Variants in CASP6 observed in about 807,000 individuals in gnomAD.
CASP6 encodes caspase-6.
A neutral mutation model predicts 31.8 loss-of-function variants in CASP6; 20 were observed. The ratio of observed to expected loss-of-function variants is 0.63; its 90% CI spans 0.44 to 0.91. CASP6 has a LOEUF of 0.91. Among genes scored for constraint, CASP6 ranks in the 40% least tolerant of loss-of-function variants. The pLI is 0.00. For missense variants in CASP6, 328 were observed against 361.1 expected (o/e 0.91, Z 0.74); for synonymous variants, 130 against 127.8 (o/e 1.02, Z -0.12).
chr4:109,674,090 TG>T, the CASP6 span: 1 of 1,459,218 alleles, frequency 6.9e-7, no homozygotes, highest in Non-Finnish European at 9.6e-7. Context: ...GGCTATTCCA[TG>T]TATCGGGAAT....
At chr4:109,694,025 C>G (rs1465683132) in intron 5 of CASP6, among the ~76,000 whole-genome samples, 1 of 152,116 alleles carries the variant, frequency 6.6e-6, no homozygotes, top group Non-Finnish European at 1.5e-5. Context: ...TGAGCCATCA[C>G]GCCTGTAAAA....
At chr4:109,706,170 T>TATATAC (rs1452145399), upstream of CASP6, among the ~76,000 whole-genome samples, 51 of 89,012 alleles carry the variant, frequency 5.7e-4, no homozygotes, top group African/African-American at 2.2e-3. Context: ...TATATATATA[T>TATATAC]ACACACACAC....
At position 109,698,395 on chromosome 4, in the gene CASP6, T is replaced by TA. The variant is rs1177031774; in HGVS notation, c.41-54dup. 31 of 1,499,304 alleles carry TA rather than the reference T, an allele frequency of 2.1e-5. No homozygotes were observed. In the East Asian group the frequency reaches 7.0e-4, roughly 34 times the overall value. The allele number at this position is 1,499,304 out of a possible 1,614,324, so 92.9% of individuals were successfully genotyped here. ...TTATTTTTTACTTATGGCAGTAAAATATAGTAGGAACTCCCATCCCCCTTC... is the reference window on the plus strand; with the variant it reads ...TTATTTTTTACTTATGGCAGTAAAATAATAGTAGGAACTCCCATCCCCCTTC... On this transcript the variant is annotated intron_variant, in intron 1 of 6. Transcript: ENST00000265164.
intron 5 of CASP6, among the ~76,000 whole-genome samples, chr4:109,693,203 T>C (rs1436965339): frequency 6.6e-6 from 1 of 152,232 alleles, no homozygotes; most frequent in East Asian, 1.9e-4. Context: ...CAGAAGCAGA[T>C]GCCAGCACCA....
At chr4:109,676,631 A>G in the CASP6 span, among the ~76,000 whole-genome samples, 4 of 152,206 alleles carry the variant, frequency 2.6e-5, no homozygotes, top group African/African-American at 7.2e-5. Context: ...TATTTGTTAT[A>G]GCAGTAACTC....
intron 6 of CASP6, among the ~76,000 whole-genome samples, chr4:109,690,192 A>G (rs1446625242): frequency 6.7e-6 from 1 of 149,786 alleles, no homozygotes; most frequent in Non-Finnish European, 1.5e-5. Context: ...AAAAAAAAAA[A>G]AAATACACAC....
chr4:109,687,449 TCAAG>T (rs1729873161), downstream of CASP6: 1 of 1,108,898 alleles, frequency 9.0e-7, no homozygotes, highest in Admixed American at 1.8e-5. Flanking sequence ...AGAATTCCTC[TCAAG>T]CAGTAATGTT....
chr4:109,705,964 A>G (rs1730584886), upstream of CASP6, among the ~76,000 whole-genome samples: 1 of 109,640 alleles, frequency 9.1e-6, no homozygotes, highest in African/African-American at 3.5e-5. Context: ...TGACAGAGTA[A>G]GACACTCTTT....
At chr4:109,670,932 G>A in the CASP6 span, among the ~76,000 whole-genome samples, 196 of 152,230 alleles carry the variant, frequency 1.3e-3, no homozygotes, top group African/African-American at 4.5e-3. Flanking sequence ...TGTCCACGCT[G>A]AGCCTCCAGC....
the CASP6 span, among the ~76,000 whole-genome samples, chr4:109,667,548 A>T: frequency 1.3e-5 from 2 of 148,320 alleles, no homozygotes; most frequent in African/African-American, 5.0e-5. Flanking sequence ...AACATCATTG[A>T]TTTTTCTCTG....
chr4:109,684,065 CTTT>C (rs71595507), downstream of CASP6, among the ~76,000 whole-genome samples: 25 of 139,968 alleles, frequency 1.8e-4, no homozygotes, highest in Non-Finnish European at 1.7e-4. Flanking sequence ...TTCCTCTTTT[CTTT>C]TTTTTTTTTT....
intron 6 of CASP6, among the ~76,000 whole-genome samples, chr4:109,690,537 T>C (rs867767071): frequency 3.3e-3 from 492 of 150,670 alleles, no homozygotes; most frequent in African/African-American, 0.011. Context: ...AAAAAAAAAA[T>C]TAAAGCTTTC....
At chr4:109,668,728 A>AT in the CASP6 span, among the ~76,000 whole-genome samples, 1 of 146,966 alleles carries the variant, frequency 6.8e-6, no homozygotes, top group African/African-American at 2.5e-5. Flanking sequence ...TGTCTTCCAC[A>AT]TTTTTTCTGC....
the CASP6 span, among the ~76,000 whole-genome samples, chr4:109,675,856 G>A: frequency 6.6e-6 from 1 of 152,162 alleles, no homozygotes; most frequent in African/African-American, 2.4e-5. Context: ...TTTTGCCATG[G>A]GATGATGCAG....
At chr4:109,686,558 GA>G (rs1729842380), downstream of CASP6, among the ~76,000 whole-genome samples, 2 of 152,334 alleles carry the variant, frequency 1.3e-5, no homozygotes, top group South Asian at 4.1e-4. Flanking sequence ...GAAGGCTAAG[GA>G]ATGTTCTTTC....
chr4:109,704,431 T>C (rs1211709238), upstream of CASP6, among the ~76,000 whole-genome samples: 1 of 152,238 alleles, frequency 6.6e-6, no homozygotes, highest in Admixed American at 6.5e-5. Context: ...GAGAAAGTTC[T>C]AGTTGGTCTG....
the CASP6 span, among the ~76,000 whole-genome samples, chr4:109,664,943 TA>T: frequency 0.45 from 68,352 of 150,812 alleles, 16,067 homozygotes; most frequent in African/African-American, 0.6. Flanking sequence ...TTAACTCTTG[TA>T]AAAAAAAAAA....
the CASP6 span, chr4:109,682,432 A>G: frequency 1.6e-6 from 1 of 616,924 alleles, no homozygotes; most frequent in African/African-American, 1.9e-5. Flanking sequence ...TCAAATGTAT[A>G]TTACACCTTT....
At chr4:109,707,041 C>T (rs1166206542), upstream of CASP6, among the ~76,000 whole-genome samples, 1 of 152,190 alleles carries the variant, frequency 6.6e-6, no homozygotes, top group Non-Finnish European at 1.5e-5. Context: ...ATTTATAACT[C>T]GCTGAAGGCT....
Sources: gnomAD v4.1 joint callset for allele counts (sites outside exome capture counted in the v4.1 genomes callset) on GRCh38, gnomAD v4.1.1 for gene constraint, MANE v1.5 for transcripts, NCBI Gene and HGNC (gene_info 2026-07-23, HGNC 2026-07-21) for gene names.